HHAT: variants seen among roughly 807,000 people sequenced by gnomAD.
HHAT encodes protein-cysteine N-palmitoyltransferase HHAT.
HHAT carries 47 observed loss-of-function variants against 70.8 expected under a neutral mutation model. That is an observed-to-expected ratio of 0.66 (90% CI 0.53 to 0.85). The LOEUF is 0.85. HHAT is among the 40% of genes least tolerant of loss of function. The pLI, the probability that HHAT is intolerant of heterozygous loss-of-function variation, is 0.00. For missense variants in HHAT, 609 were observed against 604.8 expected (o/e 1.01, Z -0.07); for synonymous variants, 228 against 247.6 (o/e 0.92, Z 0.74).
rs529965977 is a variant in HHAT, at chr1:210,393,658, A to G, written c.273+6077A>G. Reference sequence around the variant, plus strand: ...TTACCAGGCAGGGGTGGACAGGTGGACTAGGCTTCTTCTCTGCAGAGCACA... The same window carrying G: ...TTACCAGGCAGGGGTGGACAGGTGGGCTAGGCTTCTTCTCTGCAGAGCACA... On this transcript the variant is annotated intron_variant, in intron 4 of 11. Coordinates refer to ENST00000261458, the MANE Select transcript of HHAT (RefSeq NM_018194.6). 5.9e-5 allele frequency among the ~76,000 whole-genome samples: 9 copies of G among 152,260 alleles called. No homozygotes were observed. The South Asian group carries it at 1.5e-3, about 25-fold the overall frequency.
chr1:210,488,938 C>A (rs1398488842), intron 8 of HHAT, among the ~76,000 whole-genome samples: 1 of 152,106 alleles, frequency 6.6e-6, no homozygotes, highest in African/African-American at 2.4e-5. Context: ...GCAAAGAAGC[C>A]AAAATGGGGA....
intron 8 of HHAT, among the ~76,000 whole-genome samples, chr1:210,483,884 A>AT (rs1343825411): frequency 6.6e-6 from 1 of 152,206 alleles, no homozygotes; most frequent in Non-Finnish European, 1.5e-5. Context: ...GGATAAATCG[A>AT]TTTTTGCCAC....
chr1:210,504,688 C>G (rs1028481774), intron 8 of HHAT, among the ~76,000 whole-genome samples: 17 of 152,120 alleles, frequency 1.1e-4, no homozygotes, highest in African/African-American at 3.6e-4. Flanking sequence ...ACACACTTGT[C>G]TGATCCATAA....
rs4366378 is a variant in HHAT, at chr1:210,674,398, A to C, written c.*19A>C. 65,250 of 1,603,788 alleles carry C rather than the reference A, an allele frequency of 0.041. 9,473 individuals carry two copies. In the African/African-American group the frequency reaches 0.41, roughly 10 times the overall value. ...GGACTAATGCTGTTGGGCCCAGGCC[A>C]GTCCTTGTTGCTGGCCTCCAAGGCA... On this transcript the variant is annotated 3_prime_UTR_variant, in exon 12 of 12. Coordinates refer to ENST00000261458, the MANE Select transcript of HHAT (RefSeq NM_018194.6).
At chr1:210,400,205 T>C (rs1421732135) in intron 4 of HHAT, among the ~76,000 whole-genome samples, 1 of 152,154 alleles carries the variant, frequency 6.6e-6, no homozygotes, top group African/African-American at 2.4e-5. Flanking sequence ...GTGGCTTTGG[T>C]TGAAGGCAGG....
At chr1:210,606,592 T>C (rs4951722) in intron 10 of HHAT, among the ~76,000 whole-genome samples, 43,683 of 152,108 alleles carry the variant, frequency 0.29, 7,895 homozygotes, top group East Asian at 0.68. Context: ...TGTTTAGCTG[T>C]TGCACTGATG....
intron 10 of HHAT, among the ~76,000 whole-genome samples, chr1:210,598,287 G>A (rs556657616): frequency 6.6e-6 from 1 of 152,022 alleles, no homozygotes; most frequent in East Asian, 2.0e-4. Flanking sequence ...GAGCTATGCT[G>A]CCTGGGGTTG....
rs1241973266 is a variant in HHAT, at chr1:210,340,164, AC to A, written c.-43-8766del. Among the ~76,000 whole-genome samples the A allele has an allele frequency of 6.0e-5, 9 of 149,082 alleles. 1 individual carries two copies. Among genetic ancestry groups the A allele is most frequent in the African/African-American group, 2.0e-4 (8 of 40,282 alleles). On this transcript the variant is annotated intron_variant, in intron 1 of 11. Transcript: ENST00000261458. Reference sequence around the variant, plus strand: ...AGACCAGCCTGGGCAACATGGCAAAACCCAGTCTCTACTAAAAACACAAAAA... The same window carrying A: ...AGACCAGCCTGGGCAACATGGCAAAACCAGTCTCTACTAAAAACACAAAAA...
chr1:210,398,891 A>G (rs2091928835), intron 4 of HHAT, among the ~76,000 whole-genome samples: 1 of 152,156 alleles, frequency 6.6e-6, no homozygotes, highest in African/African-American at 2.4e-5. Context: ...GTAAAAATGA[A>G]CTTCACATTT....
intron 3 of HHAT, among the ~76,000 whole-genome samples, chr1:210,365,479 G>A (rs1436980597): frequency 6.6e-6 from 1 of 151,768 alleles, no homozygotes; most frequent in Non-Finnish European, 1.5e-5. Context: ...ACCACATCCA[G>A]CTAATTTTTT....
intron 9 of HHAT, among the ~76,000 whole-genome samples, chr1:210,543,156 C>G (rs1267536722): frequency 6.6e-6 from 1 of 151,900 alleles, no homozygotes; most frequent in Non-Finnish European, 1.5e-5. Flanking sequence ...GATGGAATAG[C>G]CTTTAAAAAA....
rs116202211 is a variant in HHAT at position 210,588,475 on chromosome 1, G to T, written c.1245+376G>T. 7.8e-3 allele frequency: 1,317 copies of T among 169,290 alleles called. 18 individuals are homozygous for T. The highest frequency in any genetic ancestry group is 0.026 in the African/African-American group (1,071 of 41,918). The allele number at this position is 169,290 out of a possible 1,614,324, so 10.5% of individuals were successfully genotyped here. On this transcript the variant is annotated intron_variant, in intron 10 of 11. Transcript: ENST00000261458. ...CAAATGCTATTACAGAGAGATGATTGTATCGGGACCACCTTTTTAAGTCAC... is the reference window on the plus strand; with the variant it reads ...CAAATGCTATTACAGAGAGATGATTTTATCGGGACCACCTTTTTAAGTCAC...
chr1:210,673,136 G>A (rs979087605), intron 11 of HHAT, among the ~76,000 whole-genome samples: 4 of 151,988 alleles, frequency 2.6e-5, no homozygotes, highest in Non-Finnish European at 4.4e-5. Flanking sequence ...GATCTTGCCC[G>A]GCACCCTTTC....
intron 8 of HHAT, among the ~76,000 whole-genome samples, chr1:210,476,268 C>T (rs765419298): frequency 9.2e-5 from 14 of 152,208 alleles, no homozygotes; most frequent in Admixed American, 3.9e-4. Flanking sequence ...TACAGACATT[C>T]AAAGACTTTC....
intron 9 of HHAT, among the ~76,000 whole-genome samples, chr1:210,561,269 AAAAT>A (rs1316365675): frequency 6.6e-6 from 1 of 152,242 alleles, no homozygotes; most frequent in Non-Finnish European, 1.5e-5. Context: ...AGAACTTTTG[AAAAT>A]AAATCTATTC....
chr1:210,395,164 C>T (rs887907685), intron 4 of HHAT, among the ~76,000 whole-genome samples: 3 of 152,062 alleles, frequency 2.0e-5, no homozygotes, highest in African/African-American at 7.2e-5. Context: ...AATTAATAGG[C>T]AGGGACGTCT....
At chr1:210,589,659 T>A (rs1321261632) in intron 10 of HHAT, 1 of 152,258 alleles carries the variant, frequency 6.6e-6, no homozygotes, top group African/African-American at 2.4e-5. Flanking sequence ...CTTTGAGCCA[T>A]AGCTTATGCT....
intron 11 of HHAT, among the ~76,000 whole-genome samples, chr1:210,671,119 G>A (rs910212749): frequency 2.0e-5 from 3 of 152,142 alleles, no homozygotes; most frequent in East Asian, 1.9e-4. Context: ...TGATAGCCAC[G>A]GGTGCCAAGC....
chr1:210,369,078 C>CA (rs1437478077), intron 3 of HHAT, among the ~76,000 whole-genome samples: 15 of 147,842 alleles, frequency 1.0e-4, no homozygotes, highest in Non-Finnish European at 1.3e-4. Context: ...AACTCTGTCT[C>CA]AAAAAAAAGA....
Sources: gnomAD v4.1 joint callset for allele counts (sites outside exome capture counted in the v4.1 genomes callset) on GRCh38, gnomAD v4.1.1 for gene constraint, MANE v1.5 for transcripts, NCBI Gene and HGNC (gene_info 2026-07-23, HGNC 2026-07-21) for gene names.